The following INVS variants were observed in gnomAD, a reference collection of about 807,000 sequenced individuals.
The protein encoded by INVS is inversin, also known as inversion of embryo turning homolog.
In INVS, 86 loss-of-function variants were observed where a neutral mutation model predicts 108.8. The ratio of observed to expected loss-of-function variants is 0.79; its 90% CI spans 0.66 to 0.95. INVS has a LOEUF of 0.95. Among genes scored for constraint, INVS ranks in the 40% least tolerant of loss-of-function variants. INVS has a pLI of 0.00. For missense variants in INVS, 1,169 were observed against 1,297.4 expected, an observed-to-expected ratio of 0.90 and a Z score of 1.52; for synonymous variants, 455 against 473.5, an observed-to-expected ratio of 0.96 and a Z score of 0.51.
chr9:100,229,930 T>C, intron 5 of INVS, 103 bp downstream of exon 5: 1 of 1,107,572 alleles, frequency 9.0e-7, no homozygotes, highest in East Asian at 2.6e-5. Flanking sequence ...AGCAAATTAT[T>C]AAGCAAAAGA....
rs1243972996 is a variant in INVS at position 100,261,096 on chromosome 9, T to G, written c.1465-3726T>G. Among the ~76,000 whole-genome samples, 6 of 152,310 alleles carry G rather than the reference T, an allele frequency of 3.9e-5. No individual in the cohort carries two copies. The East Asian group carries it at 9.6e-4, about 24-fold the overall frequency. Reference sequence around the variant, plus strand: ...TTAAATTATTTTAACTCTTTAAAAATATTTGCATGTTAATTATGTTTTCCA... The same window carrying G: ...TTAAATTATTTTAACTCTTTAAAAAGATTTGCATGTTAATTATGTTTTCCA... On this transcript the variant is annotated intron_variant, in intron 10 of 16. Coordinates refer to ENST00000262457, the MANE Select transcript of INVS (RefSeq NM_014425.5).
intron 10 of INVS, among the ~76,000 whole-genome samples, chr9:100,256,926 C>T (rs556061521): frequency 2.3e-4 from 35 of 152,158 alleles, no homozygotes; most frequent in Admixed American, 1.3e-3. Context: ...CTATTAGGTC[C>T]GCTTGGTGCA....
chr9:100,106,914 A>C (rs758676641), intron 2 of INVS, among the ~76,000 whole-genome samples: 4 of 151,676 alleles, frequency 2.6e-5, no homozygotes, highest in Non-Finnish European at 4.4e-5. Flanking sequence ...GGATGGTATC[A>C]TGCCCAGCTA....
chr9:100,188,137 A>G (rs550407796), intron 3 of INVS, among the ~76,000 whole-genome samples: 5 of 152,132 alleles, frequency 3.3e-5, no homozygotes, highest in African/African-American at 1.2e-4. Context: ...AGATAGTTTG[A>G]CCTTCTCATT....
intron 6 of INVS, among the ~76,000 whole-genome samples, chr9:100,240,623 T>A (rs995347803): frequency 4.6e-5 from 7 of 152,214 alleles, no homozygotes. Context: ...GCCTTTTACT[T>A]AACCTTTTTG....
chr9:100,292,289 C>A, intron 13 of INVS, 37 bp from the exon 14 acceptor site: 2 of 1,556,712 alleles, frequency 1.3e-6, no homozygotes, highest in Non-Finnish European at 1.8e-6. Context: ...TCCTACTCTG[C>A]AAGTTTTGGA....
In INVS at chr9:100,264,876, T is replaced by C. The variant is rs751395622; in HGVS notation, c.1519T>C (p.Leu507=). 1 of 1,613,988 alleles carries C rather than the reference T, an allele frequency of 6.2e-7. No homozygotes were observed. The highest frequency in any genetic ancestry group is 8.5e-7 in the Non-Finnish European group (1 of 1,179,912). ...CNNGYLDAIK[L]LLDFAAFPNQ... ...CAATGGATACCTTGATGCCATTAAA[T>C]TACTGCTAGACTTTGCTGCTTTCCC... The change falls in exon 11 of 17, where the codon TTA becomes CTA. Residue 507 remains leucine (L), a synonymous_variant. Coordinates refer to ENST00000262457, the MANE Select transcript of INVS (RefSeq NM_014425.5).
chr9:100,133,764 T>TACACACACACACACACACACACACACAC lies in INVS; in HGVS notation c.273+7229_273+7256dup, dbSNP rs147744972. 6.6e-4 allele frequency among the ~76,000 whole-genome samples: 82 copies of TACACACACACACACACACACACACACAC among 123,910 alleles called. 4 individuals carry two copies. The highest frequency in any genetic ancestry group is 2.7e-3 in the East Asian group (8 of 2,984). 81.3% of individuals were successfully genotyped at this position (123,910 alleles called of 152,430 possible). A position where few individuals can be genotyped will look rare whatever the true frequency, so the allele number is the denominator to read the frequency against. ...ACTATCTGACTATATCTGCCAAAGC[T>TACACACACACACACACACACACACACAC]ACACACACACACACACACACACACA... On this transcript the variant is annotated intron_variant, in intron 3 of 16. Transcript: ENST00000262457.
intron 3 of INVS, chr9:100,175,687 A>G (rs563157776): frequency 6.3e-6 from 4 of 638,510 alleles, no homozygotes; most frequent in East Asian, 6.5e-5. Context: ...TCCTGCCTCC[A>G]AGGATGCTTG....
intron 3 of INVS, among the ~76,000 whole-genome samples, chr9:100,197,192 G>T (rs1830403980): frequency 6.6e-6 from 1 of 152,122 alleles, no homozygotes; most frequent in Non-Finnish European, 1.5e-5. Flanking sequence ...CAATTACTTT[G>T]CTAGAGTGGC....
At chr9:100,273,395 T>A (rs1228971983) in intron 12 of INVS, among the ~76,000 whole-genome samples, 1 of 151,964 alleles carries the variant, frequency 6.6e-6, no homozygotes, top group African/African-American at 2.4e-5. Context: ...TGTAAAGAAA[T>A]AACTGCTCCT....
intron 3 of INVS, among the ~76,000 whole-genome samples, chr9:100,201,230 A>C (rs1158904744): frequency 6.6e-6 from 1 of 152,234 alleles, no homozygotes; most frequent in East Asian, 1.9e-4. Context: ...TCAGTGTCAC[A>C]CCTGAGGAAA....
chr9:100,245,090 C>T (rs565641569), intron 7 of INVS, among the ~76,000 whole-genome samples: 2 of 152,258 alleles, frequency 1.3e-5, no homozygotes, highest in Middle Eastern at 3.4e-3. Flanking sequence ...AGATCACAGC[C>T]TCCAGCACTT....
chr9:100,100,447 T>G (rs958408927), intron 1 of INVS, among the ~76,000 whole-genome samples: 1 of 148,366 alleles, frequency 6.7e-6, no homozygotes, highest in African/African-American at 2.5e-5. Context: ...AAATTAAACT[T>G]TGATCCTGCT....
At chr9:100,204,645 C>T (rs1285414033) in intron 3 of INVS, among the ~76,000 whole-genome samples, 3 of 151,936 alleles carry the variant, frequency 2.0e-5, no homozygotes, top group Admixed American at 6.6e-5. Flanking sequence ...GTGCTAATCC[C>T]AAGGTGATCA....
At chr9:100,279,814 C>T (rs539922203) in intron 12 of INVS, among the ~76,000 whole-genome samples, 1 of 152,238 alleles carries the variant, frequency 6.6e-6, no homozygotes, top group Non-Finnish European at 1.5e-5. Context: ...CTGCCTGGTT[C>T]TGCAGTGTCT....
chr9:100,284,664 T>A, intron 13 of INVS, 61 bp downstream of exon 13: 2 of 1,552,226 alleles, frequency 1.3e-6, no homozygotes, highest in East Asian at 4.6e-5. Flanking sequence ...TTTTGATTGG[T>A]GTATTTAGAC....
chr9:100,231,674 A>C (rs1330545185), intron 5 of INVS, among the ~76,000 whole-genome samples: 2 of 152,152 alleles, frequency 1.3e-5, no homozygotes, highest in Non-Finnish European at 1.5e-5. Context: ...CCCTGCAAAG[A>C]ACATGAACTC....
intron 3 of INVS, among the ~76,000 whole-genome samples, chr9:100,151,974 C>G (rs1828821524): frequency 6.6e-6 from 1 of 152,190 alleles, no homozygotes; most frequent in African/African-American, 2.4e-5. Context: ...ATACTTACAA[C>G]TGCCTAAACT....
Sources: allele counts gnomAD v4.1 joint callset (sites outside exome capture counted in the v4.1 genomes callset), GRCh38; gene constraint gnomAD v4.1.1; transcripts MANE v1.5; gene names NCBI Gene and HGNC (gene_info 2026-07-23, HGNC 2026-07-21).